Variants in PREPL observed in about 807,000 individuals in gnomAD.
PREPL encodes the protein prolyl endopeptidase like.
Under a neutral mutation model 70.6 loss-of-function variants are expected in PREPL, and 77 were observed. The observed-to-expected ratio is 1.09, with a 90% CI of 0.91 to 1.32. The LOEUF (loss-of-function observed/expected upper bound fraction) is 1.32, where lower values mean the gene tolerates loss of function less well. PREPL is among the 40% of genes most tolerant of loss of function. The pLI, the probability that PREPL is intolerant of heterozygous loss-of-function variation, is 0.00. For missense variants in PREPL, 1,002 were observed against 778.2 expected, an observed-to-expected ratio of 1.29 and a Z score of -3.42; for synonymous variants, 315 against 264.8, an observed-to-expected ratio of 1.19 and a Z score of -1.84.
chr2:44,322,641 T>G, intron 12 of PREPL, 90 bp downstream of exon 12: 4 of 1,469,082 alleles, frequency 2.7e-6, no homozygotes, highest in Non-Finnish European at 3.7e-6. Context: ...GCAGATGATT[T>G]GGCTACAGCC....
At chr2:44,357,107 G>GA (rs1003378898) in intron 1 of PREPL, among the ~76,000 whole-genome samples, 13 of 152,168 alleles carry the variant, frequency 8.5e-5, no homozygotes, top group African/African-American at 3.1e-4. Context: ...TGCCTGATCA[G>GA]AACTCCCTAT....
At chr2:44,322,981 A>C in intron 11 of PREPL, 127 bp from the exon 12 acceptor site, 1 of 1,292,166 alleles carries the variant, frequency 7.7e-7, no homozygotes, top group Non-Finnish European at 1.1e-6. Context: ...CTCACTTGCT[A>C]TCTTGAGAGC....
rs1360612570 is a variant in PREPL at position 44,343,631 on chromosome 2, G to C, written c.349+114C>G. 8 of 873,700 alleles carry C rather than the reference G, an allele frequency of 9.2e-6. No homozygotes were observed. In the East Asian group the frequency reaches 1.7e-4, roughly 19 times the overall value. The allele number at this position is 873,700 out of a possible 1,614,324, so 54.1% of individuals were successfully genotyped here. ...TACATAGGAAGATGTATAGTCCATA[G>C]GGATACATGAATCAGGCATTCACCT... On this transcript the variant is annotated intron_variant, in intron 4 of 13. Coordinates refer to ENST00000409411, the MANE Select transcript of PREPL (RefSeq NM_001171613.2).
intron 1 of PREPL, among the ~76,000 whole-genome samples, chr2:44,358,070 C>T (rs945034399): frequency 3.3e-5 from 5 of 151,890 alleles, no homozygotes; most frequent in Admixed American, 6.6e-5. Context: ...GCTAAGATAG[C>T]GGCAAAAATT....
At chr2:44,323,498 A>G in intron 10 of PREPL, 87 bp from the exon 11 acceptor site, 4 of 1,070,382 alleles carry the variant, frequency 3.7e-6, no homozygotes, top group Non-Finnish European at 3.9e-6. Context: ...GAATATACAT[A>G]CTAATATGAG....
chr2:44,341,385 G>A (rs1228042656), intron 5 of PREPL, among the ~76,000 whole-genome samples: 3 of 151,934 alleles, frequency 2.0e-5, no homozygotes, highest in African/African-American at 7.3e-5. Flanking sequence ...CTATCAATTT[G>A]TATTATTTTT....
At chr2:44,360,659 G>A (rs914477793) in intron 1 of PREPL, 1 of 152,116 alleles carries the variant, frequency 6.6e-6, no homozygotes, top group South Asian at 2.1e-4. Flanking sequence ...CTGTGTCTCC[G>A]GGCCTCAGTT....
At chr2:44,339,643 T>G (rs6740365) in intron 5 of PREPL, among the ~76,000 whole-genome samples, 1 of 152,178 alleles carries the variant, frequency 6.6e-6, no homozygotes. Flanking sequence ...GATTCCATCA[T>G]TGCTAACATT....
intron 8 of PREPL, 91 bp downstream of exon 8, chr2:44,332,368 C>A (rs536907612): frequency 3.6e-6 from 4 of 1,109,240 alleles, no homozygotes; most frequent in African/African-American, 1.6e-5. Flanking sequence ...ATTAGGAAAC[C>A]GTGCTAATGT....
intron 1 of PREPL, among the ~76,000 whole-genome samples, chr2:44,351,455 A>C (rs957994499): frequency 6.6e-6 from 1 of 151,968 alleles, no homozygotes; most frequent in Non-Finnish European, 1.5e-5. Flanking sequence ...TAGATGTCTA[A>C]TATGCCAAAA....
chr2:44,325,571 A>C (rs1174974522), intron 10 of PREPL, among the ~76,000 whole-genome samples: 1 of 152,238 alleles, frequency 6.6e-6, no homozygotes, highest in East Asian at 1.9e-4. Context: ...TAAGCAACCT[A>C]GCATAAATAT....
intron 10 of PREPL, among the ~76,000 whole-genome samples, chr2:44,325,660 T>C (rs1446713008): frequency 6.6e-6 from 1 of 152,210 alleles, no homozygotes; most frequent in Non-Finnish European, 1.5e-5. Context: ...AATTCTGCCA[T>C]TATCTTTGTG....
Position 44,326,943 on chromosome 2 carries a change from C to G in PREPL, c.1263-15G>C, listed in dbSNP as rs778636304. 6.2e-7 allele frequency: 1 copy of G among 1,609,684 alleles called. No individual in the cohort carries two copies. The highest frequency in any genetic ancestry group is 1.7e-5 in the Admixed American group (1 of 59,472). ...CACCACCACCTCTGAAATTGAAGGG[C>G]AAAAAAGTTTTAGTGGAAAAAAAAA... is the stretch of plus-strand genomic sequence containing the variant. On this transcript the variant is annotated splice_polypyrimidine_tract_variant and intron_variant, in intron 9 of 13. Transcript: ENST00000409411.
Position 44,342,571 on chromosome 2 carries a change from A to G in PREPL, c.350-19T>C, listed in dbSNP as rs757055578. The G allele has an allele frequency of 7.2e-6, 11 of 1,526,718 alleles. No homozygotes were observed. The African/African-American group carries it at 1.4e-4, about 20-fold the overall frequency. The allele number at this position is 1,526,718 out of a possible 1,614,324, so 94.6% of individuals were successfully genotyped here. Reference sequence around the variant, plus strand: ...ACCCATTCTGAAAGAAAATAATGAGATAATTATACATAATCACCTACACTC... The same window carrying G: ...ACCCATTCTGAAAGAAAATAATGAGGTAATTATACATAATCACCTACACTC... On this transcript the variant is annotated intron_variant, in intron 4 of 13. Transcript: ENST00000409411.
intron 1 of PREPL, 51 bp downstream of exon 1, chr2:44,361,328 GC>G (rs1248343421): frequency 6.6e-6 from 1 of 152,474 alleles, no homozygotes; most frequent in Admixed American, 6.5e-5. Flanking sequence ...GGGTGGCTGG[GC>G]GGGGGGAGAA....
chr2:44,348,209 G>A (rs1676031963), intron 1 of PREPL, among the ~76,000 whole-genome samples: 1 of 151,970 alleles, frequency 6.6e-6, no homozygotes, highest in Admixed American at 6.6e-5. Context: ...AATTTTTTGA[G>A]TAATTATTTG....
At chr2:44,344,342 G>C (rs968509356) in intron 3 of PREPL, among the ~76,000 whole-genome samples, 178 bp downstream of exon 3, 2 of 151,984 alleles carry the variant, frequency 1.3e-5, no homozygotes, top group African/African-American at 4.8e-5. Flanking sequence ...CCCTGCCAAA[G>C]CTTCTGAGTC....
chr2:44,345,435 T>G (rs1414981590), intron 2 of PREPL, among the ~76,000 whole-genome samples: 1 of 152,042 alleles, frequency 6.6e-6, no homozygotes, highest in Non-Finnish European at 1.5e-5. Context: ...CAGGGCAACC[T>G]CTGCATCCTG....
In PREPL at chr2:44,344,010, A is replaced by G. The variant is rs1024321304; in HGVS notation, c.143-59T>C. On this transcript the variant is annotated intron_variant, in intron 3 of 13. Transcript: ENST00000409411. ...AAAGGATGTACTTTAAAAAATTAAA[A>G]CTGTATTTTAATGTTTTAAATTAGA... 3.9e-6 allele frequency: 6 copies of G among 1,538,672 alleles called. No homozygotes were observed. The African/African-American group carries it at 7.0e-5, about 18-fold the overall frequency.
Sources: gnomAD v4.1 joint callset for allele counts (sites outside exome capture counted in the v4.1 genomes callset) on GRCh38, gnomAD v4.1.1 for gene constraint, MANE v1.5 for transcripts, NCBI Gene and HGNC (gene_info 2026-07-23, HGNC 2026-07-21) for gene names.